The following UNC13A variants were observed in gnomAD, a reference collection of about 807,000 sequenced individuals.
The protein encoded by UNC13A is protein unc-13 homolog A.
UNC13A carries 61 observed loss-of-function variants against 219.7 expected under a neutral mutation model. The ratio of observed to expected loss-of-function variants is 0.28; its 90% CI spans 0.23 to 0.34. The LOEUF (loss-of-function observed/expected upper bound fraction) is 0.34, where lower values mean the gene tolerates loss of function less well. UNC13A is among the 10% of genes least tolerant of loss of function. The probability of loss-of-function intolerance (pLI) is 1.00; values close to 1 mark genes in which losing one functional copy is unlikely to be tolerated. For missense variants in UNC13A, 1,476 were observed against 2,270.3 expected, an observed-to-expected ratio of 0.65 and a Z score of 7.11; for synonymous variants, 920 against 884.6, an observed-to-expected ratio of 1.04 and a Z score of -0.71.
At chr19:17,665,765 T>A (rs1042453646) in intron 7 of UNC13A, among the ~76,000 whole-genome samples, 1 of 152,216 alleles carries the variant, frequency 6.6e-6, no homozygotes, top group African/African-American at 2.4e-5. Context: ...GCTGGCCCCA[T>A]GAATAGTTTG....
chr19:17,659,558 A>C (rs1443289396), intron 8 of UNC13A, among the ~76,000 whole-genome samples: 1 of 152,222 alleles, frequency 6.6e-6, no homozygotes, highest in East Asian at 1.9e-4. Flanking sequence ...ACTTGAGCCC[A>C]GGAGTTCAAG....
At chr19:17,621,332 C>G (rs1168401399) in intron 37 of UNC13A, among the ~76,000 whole-genome samples, 2 of 152,276 alleles carry the variant, frequency 1.3e-5, no homozygotes, top group African/African-American at 2.4e-5. Context: ...CCCACATTCA[C>G]AAAGCTAAGA....
rs781779926 is a variant in UNC13A, at chr19:17,645,850, C to T, written c.2187-7G>A. On this transcript the variant is annotated splice_polypyrimidine_tract_variant and splice_region_variant and intron_variant, in intron 18 of 43. Transcript: ENST00000519716. ...GGAGGAATTGTGACATTCACTGTGG[C>T]GGGAGGAGGAGGCAGAGGCAGGGGT... 8.1e-6 allele frequency: 13 copies of T among 1,600,412 alleles called. No individual in the cohort carries two copies. The highest frequency in any genetic ancestry group is 6.8e-5 in the East Asian group (3 of 44,254).
At chr19:17,633,262 C>T (rs1212551937) in intron 26 of UNC13A, 69 bp from the exon 27 acceptor site, 1 of 1,462,948 alleles carries the variant, frequency 6.8e-7, no homozygotes, top group African/African-American at 1.4e-5. Flanking sequence ...CTTTGTCCTT[C>T]CCTGCCCCAC....
intron 35 of UNC13A, 106 bp downstream of exon 35, chr19:17,624,723 G>A: frequency 2.1e-6 from 3 of 1,442,296 alleles, no homozygotes; most frequent in Non-Finnish European, 1.8e-6. Context: ...ACCTCTCTGA[G>A]ACCGGATGCC....
chr19:17,668,237 C>G (rs752312759), intron 5 of UNC13A, 47 bp from the exon 6 acceptor site: 10 of 1,053,092 alleles, frequency 9.5e-6, no homozygotes, highest in African/African-American at 2.2e-5. Context: ...CTCCCTGCCG[C>G]TCAGCCTCCA....
At chr19:17,673,828 T>C (rs528211989) in intron 3 of UNC13A, among the ~76,000 whole-genome samples, 16 of 152,036 alleles carry the variant, frequency 1.1e-4, no homozygotes, top group African/African-American at 3.6e-4. Context: ...CTGGCCACCA[T>C]AGTGAAACAC....
chr19:17,636,185 A>G, intron 25 of UNC13A, 28 bp from the exon 26 acceptor site: 1 of 1,567,694 alleles, frequency 6.4e-7, no homozygotes, highest in Non-Finnish European at 8.7e-7. Flanking sequence ...GACCTCGGTT[A>G]TAGGGGGTCC....
At chr19:17,672,750 G>A (rs2079814434) in intron 3 of UNC13A, among the ~76,000 whole-genome samples, 1 of 152,166 alleles carries the variant, frequency 6.6e-6, no homozygotes. Flanking sequence ...GGGGACAGAT[G>A]TTACACATCG....
Position 17,603,532 on chromosome 19 carries a change from T to C in UNC13A, c.*2522A>G, listed in dbSNP as rs781762077. On this transcript the variant is annotated 3_prime_UTR_variant, in exon 44 of 44. Transcript: ENST00000519716. ...CAACTTCCCAACCCTGTATGAGAATTTGCATTTTAACCTTTGGTTCAGAAC... is the reference window on the plus strand; with the variant it reads ...CAACTTCCCAACCCTGTATGAGAATCTGCATTTTAACCTTTGGTTCAGAAC... 1.3e-5 allele frequency: 2 copies of C among 152,244 alleles called. No homozygotes were observed. The highest frequency in any genetic ancestry group is 6.6e-5 in the Admixed American group (1 of 15,266). The allele number at this position is 152,244 out of a possible 1,614,324, so 9.4% of individuals were successfully genotyped here. A position where few individuals can be genotyped will look rare whatever the true frequency, so the allele number is the denominator to read the frequency against.
At chr19:17,686,659 C>G (rs1406152869) in intron 1 of UNC13A, among the ~76,000 whole-genome samples, 1 of 152,022 alleles carries the variant, frequency 6.6e-6, no homozygotes, top group Non-Finnish European at 1.5e-5. Context: ...CTTCCACCAC[C>G]CCCAGCCCCG....
At chr19:17,661,845 C>A (rs138150938) in intron 8 of UNC13A, among the ~76,000 whole-genome samples, 2 of 152,252 alleles carry the variant, frequency 1.3e-5, no homozygotes, top group East Asian at 3.9e-4. Context: ...AGGTGGGCAG[C>A]GGTTGGGTGA....
chr19:17,671,807 C>T lies in UNC13A; in HGVS notation c.270+571G>A, dbSNP rs186037853. Among the ~76,000 whole-genome samples, 47 of 152,156 alleles carry T rather than the reference C, an allele frequency of 3.1e-4. No homozygotes were observed. The East Asian group carries it at 8.3e-3, about 27-fold the overall frequency. On this transcript the variant is annotated intron_variant, in intron 4 of 43. Transcript: ENST00000519716. Reference sequence around the variant, plus strand: ...ATAATTAAATAAAAAATAGACATCACTACTACCTGCTGACAATGATGCACA... The same window carrying T: ...ATAATTAAATAAAAAATAGACATCATTACTACCTGCTGACAATGATGCACA...
chr19:17,680,546 G>C (rs2079987743), intron 1 of UNC13A, among the ~76,000 whole-genome samples: 1 of 152,120 alleles, frequency 6.6e-6, no homozygotes, highest in Admixed American at 6.5e-5. Context: ...TGTAGTGGCC[G>C]TACCCGGGGA....
intron 38 of UNC13A, among the ~76,000 whole-genome samples, chr19:17,620,054 A>T (rs776182554): frequency 2.0e-4 from 30 of 152,254 alleles, no homozygotes; most frequent in Non-Finnish European, 3.4e-4. Context: ...ACGGGGTCCC[A>T]GCCTGGAAGG....
chr19:17,615,411 A>C (rs1320463427), intron 41 of UNC13A, among the ~76,000 whole-genome samples: 1 of 151,834 alleles, frequency 6.6e-6, no homozygotes, highest in African/African-American at 2.4e-5. Flanking sequence ...CTGGGATTAC[A>C]CCTGTCATCC....
chr19:17,652,559 G>A, intron 12 of UNC13A, 72 bp downstream of exon 12: 1 of 1,599,400 alleles, frequency 6.3e-7, no homozygotes. Context: ...TCTGGGCTGA[G>A]GCTCAGGCGC....
rs560220202 is a variant in UNC13A, at chr19:17,635,888, G to A, written c.3215+136C>T. 8 of 1,126,672 alleles carry A rather than the reference G, an allele frequency of 7.1e-6. No homozygotes were observed. In the African/African-American group the frequency reaches 1.1e-4, roughly 15 times the overall value. The allele number at this position is 1,126,672 out of a possible 1,614,324, so 69.8% of individuals were successfully genotyped here. On this transcript the variant is annotated intron_variant, in intron 26 of 43. Coordinates refer to ENST00000519716, the MANE Select transcript of UNC13A (RefSeq NM_001080421.3). ...GTACCCATATTTGAATTTTGCACAG[G>A]TATAATCAGACCCACAATTACCCCC... is the stretch of plus-strand genomic sequence containing the variant.
rs71336632 is a variant in UNC13A at position 17,667,256 on chromosome 19, G to GAAA, written c.469-555_469-553dup. Among the ~76,000 whole-genome samples, 292 of 142,182 alleles carry GAAA rather than the reference G, an allele frequency of 2.1e-3. 2 individuals are homozygous for GAAA. Among genetic ancestry groups the GAAA allele is most frequent in the Non-Finnish European group, 3.3e-3 (217 of 66,278 alleles). The allele number at this position is 142,182 out of a possible 152,430, so 93.3% of individuals were successfully genotyped here. ...CACAGCGAGACTCCGTCTCAAAAAA[G>GAAA]AAAAAAAAAAAAAGATGGGAACAGT... On this transcript the variant is annotated intron_variant, in intron 6 of 43. Transcript: ENST00000519716.
Sources: allele counts gnomAD v4.1 joint callset (sites outside exome capture counted in the v4.1 genomes callset), GRCh38; gene constraint gnomAD v4.1.1; transcripts MANE v1.5; gene names NCBI Gene and HGNC (gene_info 2026-07-23, HGNC 2026-07-21).